The following ANKRD36B variants were observed in gnomAD, a reference collection of about 807,000 sequenced individuals.
ANKRD36B encodes ankyrin repeat domain-containing protein 36B.
A neutral mutation model predicts 135.7 loss-of-function variants in ANKRD36B; 37 were observed. That is an observed-to-expected ratio of 0.27 (90% confidence interval 0.21 to 0.36). The LOEUF is 0.36. ANKRD36B is among the 10% of genes least tolerant of loss of function. ANKRD36B has a pLI of 1.00. For missense variants in ANKRD36B, 549 were observed against 1,037.1 expected (o/e 0.53, Z 6.46); for synonymous variants, 179 against 348.1 (o/e 0.51, Z 5.41).
At chr2:97,584,460 C>A (rs372040915) in intron 3 of ANKRD36B, among the ~76,000 whole-genome samples, 40 of 151,698 alleles carry the variant, frequency 2.6e-4, no homozygotes, top group African/African-American at 5.8e-4. Context: ...CCCTCTTAAG[C>A]CTTTCCACAG....
In ANKRD36B at chr2:97,541,483, G is replaced by A. The variant is rs529984567; in HGVS notation, c.1885+428C>T. 3.1e-5 allele frequency among the ~76,000 whole-genome samples: 3 copies of A among 96,510 alleles called. 1 individual carries two copies. The highest frequency in any genetic ancestry group is 9.3e-5 in the African/African-American group (3 of 32,348). 63.3% of individuals were successfully genotyped at this position (96,510 alleles called of 152,430 possible). ...CTTGTGGAAAATAATTGCTACTTCA[G>A]TGATCTTGTTCGTTCTCATTCTATG... is the stretch of plus-strand genomic sequence containing the variant. On this transcript the variant is annotated intron_variant, in intron 28 of 43. Coordinates refer to ENST00000359901, the MANE Select transcript of ANKRD36B (RefSeq NM_001393939.1).
chr2:97,580,317 T>C (rs2104280326), intron 4 of ANKRD36B, 145 bp downstream of exon 4: 1 of 661,798 alleles, frequency 1.5e-6, no homozygotes, highest in African/African-American at 1.9e-5. Flanking sequence ...ACCTAAGTGA[T>C]GATCTGTGTT....
chr2:97,547,328 A>T, intron 22 of ANKRD36B: 1 of 567,634 alleles, frequency 1.8e-6, no homozygotes. Context: ...TCCCAATTTC[A>T]ATGTGGGGAA....
chr2:97,541,878 C>T lies in ANKRD36B; in HGVS notation c.1885+33G>A, dbSNP rs574969917. 7.5e-5 allele frequency: 67 copies of T among 898,564 alleles called. 10 individuals carry two copies. The highest frequency in any genetic ancestry group is 6.0e-4 in the South Asian group (47 of 78,670). The allele number at this position is 898,564 out of a possible 1,614,324, so 55.7% of individuals were successfully genotyped here. A position where few individuals can be genotyped will look rare whatever the true frequency, so the allele number is the denominator to read the frequency against. On this transcript the variant is annotated intron_variant, in intron 28 of 43. Coordinates refer to ENST00000359901, the MANE Select transcript of ANKRD36B (RefSeq NM_001393939.1). ...GAAGTGAATTTCTCTTCTATTTGAT[C>T]GAACATTACATTAAAGGTGTATTCC...
chr2:97,570,690 G>A (rs577378589), intron 6 of ANKRD36B, among the ~76,000 whole-genome samples: 10 of 152,218 alleles, frequency 6.6e-5, no homozygotes, highest in Admixed American at 4.6e-4. Context: ...GAGGGCTCCC[G>A]GAAGCTTGTG....
intron 37 of ANKRD36B, among the ~76,000 whole-genome samples, chr2:97,514,159 A>C (rs1332578227): frequency 7.4e-6 from 1 of 134,810 alleles, no homozygotes; most frequent in Non-Finnish European, 1.5e-5. Flanking sequence ...GATATTAGAA[A>C]ATAAAACATT....
Position 97,589,642 on chromosome 2 carries a change from T to C in ANKRD36B, c.44A>G (p.Tyr15Cys), listed in dbSNP as rs4069655. 2 of 1,613,976 alleles carry C rather than the reference T, an allele frequency of 1.2e-6. No homozygotes were observed. Among genetic ancestry groups the C allele is most frequent in the African/African-American group, 1.3e-5 (1 of 74,918 alleles). The change falls in exon 1 of 44, where the codon TAC becomes TGC. Residue 15 changes from tyrosine (Y) to cysteine (C), a missense_variant. Tyr to Cys is a radical substitution (Grantham distance 194). Transcript: ENST00000359901. ...CCTCTTCAGATGATACGGTTTAATG[T>C]AGTAATGGGGAAATGCGAAGCCATC... The part of the protein sequence containing the change: ...CSDGFAFPHY[Y>C]IKPYHLKRIH...
intron 6 of ANKRD36B, among the ~76,000 whole-genome samples, chr2:97,574,168 C>T (rs1478348605): frequency 1.3e-5 from 2 of 152,102 alleles, no homozygotes; most frequent in African/African-American, 4.8e-5. Context: ...CCAGAATCTA[C>T]AAAGAGCTCA....
chr2:97,585,518 G>A lies in ANKRD36B; in HGVS notation c.162-120C>T, dbSNP rs557695077. The A allele has an allele frequency of 3.8e-4, 520 of 1,352,846 alleles. 1 individual carries two copies. Among genetic ancestry groups the A allele is most frequent in the Non-Finnish European group, 4.9e-4 (491 of 1,008,840 alleles). 83.8% of individuals were successfully genotyped at this position (1,352,846 alleles called of 1,614,324 possible). A position where few individuals can be genotyped will look rare whatever the true frequency, so the allele number is the denominator to read the frequency against. ...TGAAGAAAGTACAACATTTGTTAGCGCTTATTACTCACCACATTAATGAAA... is the reference window on the plus strand; with the variant it reads ...TGAAGAAAGTACAACATTTGTTAGCACTTATTACTCACCACATTAATGAAA... On this transcript the variant is annotated intron_variant, in intron 1 of 43. Transcript: ENST00000359901.
intron 5 of ANKRD36B, among the ~76,000 whole-genome samples, 151 bp from the exon 6 acceptor site, chr2:97,576,597 CCTTT>C (rs1428346610): frequency 6.7e-6 from 1 of 150,342 alleles, no homozygotes; most frequent in Non-Finnish European, 1.5e-5. Flanking sequence ...CTTCTTAGTA[CCTTT>C]CTAATTAAAT....
chr2:97,585,201 G>A (rs1282050395), intron 2 of ANKRD36B, 83 bp downstream of exon 2: 65 of 1,583,860 alleles, frequency 4.1e-5, no homozygotes, highest in Non-Finnish European at 5.4e-5. Context: ...GTTATATGGT[G>A]GTATTCCAAT....
At chr2:97,573,751 G>A (rs1415197011) in intron 6 of ANKRD36B, among the ~76,000 whole-genome samples, 8 of 152,138 alleles carry the variant, frequency 5.3e-5, no homozygotes, top group South Asian at 4.1e-4. Flanking sequence ...TACAACTATC[G>A]ATCTTTGACA....
chr2:97,547,308 T>C, intron 22 of ANKRD36B: 1 of 516,648 alleles, frequency 1.9e-6, no homozygotes, highest in Non-Finnish European at 3.3e-6. Context: ...CTGCTCACCA[T>C]ATTTCTTCTT....
intron 16 of ANKRD36B, among the ~76,000 whole-genome samples, 186 bp from the exon 17 acceptor site, chr2:97,551,666 C>T (rs930960975): frequency 1.3e-5 from 2 of 151,874 alleles, no homozygotes; most frequent in Non-Finnish European, 2.9e-5. Flanking sequence ...ACACAGGCTC[C>T]GTGAAATATA....
At chr2:97,548,667 G>A (rs975069914) in intron 20 of ANKRD36B, among the ~76,000 whole-genome samples, 1 of 151,906 alleles carries the variant, frequency 6.6e-6, no homozygotes, top group Non-Finnish European at 1.5e-5. Context: ...CAACAAGGAA[G>A]CCAATGTGTT....
intron 6 of ANKRD36B, among the ~76,000 whole-genome samples, chr2:97,563,616 A>C (rs1408968232): frequency 6.6e-6 from 1 of 152,078 alleles, no homozygotes; most frequent in Non-Finnish European, 1.5e-5. Flanking sequence ...GGGAGCCAAG[A>C]GGACAAGTAA....
chr2:97,579,677 T>A (rs1378801314), intron 4 of ANKRD36B, among the ~76,000 whole-genome samples: 75 of 133,776 alleles, frequency 5.6e-4, no homozygotes, highest in African/African-American at 1.9e-3. Flanking sequence ...AAATATATAT[T>A]GTATATATTA....
Position 97,526,516 on chromosome 2 carries a change from C to A in ANKRD36B, c.2266-3049G>T, listed in dbSNP as rs1412658389. On this transcript the variant is annotated intron_variant, in intron 35 of 43. Coordinates refer to ENST00000359901, the MANE Select transcript of ANKRD36B (RefSeq NM_001393939.1). Reference sequence around the variant, plus strand: ...GAGTGCCTCTCCTCTTCCAAAGGAACACAGTTCCTCACCAGCAATGGAACA... The same window carrying A: ...GAGTGCCTCTCCTCTTCCAAAGGAAAACAGTTCCTCACCAGCAATGGAACA... Among the ~76,000 whole-genome samples the A allele has an allele frequency of 2.1e-5, 2 of 97,162 alleles. 1 individual carries two copies. Among genetic ancestry groups the A allele is most frequent in the South Asian group, 4.7e-4 (2 of 4,260 alleles). The allele number at this position is 97,162 out of a possible 152,430, so 63.7% of individuals were successfully genotyped here.
intron 37 of ANKRD36B, among the ~76,000 whole-genome samples, chr2:97,514,060 C>A (rs201045742): frequency 0.023 from 3,110 of 134,702 alleles, 209 homozygotes; most frequent in Middle Eastern, 0.042. Context: ...CTCAGGACCT[C>A]CTGAGGGCTG....
Sources: gnomAD v4.1 joint callset for allele counts (sites outside exome capture counted in the v4.1 genomes callset) on GRCh38, gnomAD v4.1.1 for gene constraint, MANE v1.5 for transcripts, NCBI Gene and HGNC (gene_info 2026-07-23, HGNC 2026-07-21) for gene names.